Variants in BAIAP2L1 observed in about 807,000 individuals in gnomAD.
BAIAP2L1 encodes the protein BAR/IMD domain-containing adapter protein 2-like 1.
In BAIAP2L1, 35 loss-of-function variants were observed where a neutral mutation model predicts 66.3. The ratio of observed to expected loss-of-function variants is 0.53; its 90% confidence interval spans 0.40 to 0.70. The LOEUF is 0.70. Among genes scored for constraint, BAIAP2L1 ranks in the 30% least tolerant of loss-of-function variants. The pLI is 0.00. For missense variants in BAIAP2L1, 622 were observed against 656.9 expected, an observed-to-expected ratio of 0.95 and a Z score of 0.58; for synonymous variants, 269 against 248.7, an observed-to-expected ratio of 1.08 and a Z score of -0.77.
intron 2 of BAIAP2L1, among the ~76,000 whole-genome samples, chr7:98,360,452 A>G (rs566608236): frequency 6.6e-6 from 1 of 152,288 alleles, no homozygotes; most frequent in East Asian, 1.9e-4. Context: ...TGGCTTCAGC[A>G]AAGGCACAAC....
chr7:98,395,477 A>T (rs945972134), intron 1 of BAIAP2L1, among the ~76,000 whole-genome samples: 1 of 145,590 alleles, frequency 6.9e-6, no homozygotes, highest in Non-Finnish European at 1.5e-5. Flanking sequence ...CTACCCTTGG[A>T]GGGGTGCAGC....
chr7:98,292,361 A>C lies in BAIAP2L1; in HGVS notation c.*1160T>G, dbSNP rs954021416. ...CTCAGCCTCCTGAGTGGCGCCCACC[A>C]CCACACCTGTCTAATTTTTGTATTT... On this transcript the variant is annotated 3_prime_UTR_variant, in exon 14 of 14. Transcript: ENST00000005260. The C allele has an allele frequency of 9.5e-6, 4 of 421,212 alleles. No individual in the cohort carries two copies. 26.1% of individuals were successfully genotyped at this position (421,212 alleles called of 1,614,324 possible).
At chr7:98,343,707 A>C (rs1003894539) in intron 3 of BAIAP2L1, among the ~76,000 whole-genome samples, 1 of 152,148 alleles carries the variant, frequency 6.6e-6, no homozygotes, top group Non-Finnish European at 1.5e-5. Flanking sequence ...CCCTCACAAG[A>C]TTATCCCAAT....
chr7:98,322,032 G>A (rs1801262275), intron 3 of BAIAP2L1, among the ~76,000 whole-genome samples: 1 of 152,288 alleles, frequency 6.6e-6, no homozygotes, highest in South Asian at 2.1e-4. Context: ...GGAGGCAGAG[G>A]ATGCAGTGAG....
chr7:98,342,632 A>C (rs1248017902), intron 3 of BAIAP2L1, among the ~76,000 whole-genome samples: 1 of 152,192 alleles, frequency 6.6e-6, no homozygotes, highest in Non-Finnish European at 1.5e-5. Context: ...CTAAATTTAC[A>C]TAATGGTGAG....
In BAIAP2L1 at chr7:98,400,962, G is replaced by GGCCGCC; in HGVS notation, c.-116_-111dup. ...CGCGACTAAGGGGCTCTGGAGGGTC[G>GGCCGCC]GCCGCCGCCGCAGCCGTCGGCCCGA... is the stretch of plus-strand genomic sequence containing the variant. On this transcript the variant is annotated 5_prime_UTR_variant, in exon 1 of 14. Transcript: ENST00000005260. 2 of 1,015,856 alleles carry GGCCGCC rather than the reference G, an allele frequency of 2.0e-6. No homozygotes were observed. Among genetic ancestry groups the GGCCGCC allele is most frequent in the Non-Finnish European group, 2.6e-6 (2 of 769,832 alleles). The allele number at this position is 1,015,856 out of a possible 1,614,324, so 62.9% of individuals were successfully genotyped here.
chr7:98,321,848 G>C (rs1801256314), intron 3 of BAIAP2L1, among the ~76,000 whole-genome samples: 1 of 152,168 alleles, frequency 6.6e-6, no homozygotes, highest in African/African-American at 2.4e-5. Context: ...TGTCATCCTA[G>C]CACTTTTGGG....
In BAIAP2L1 at chr7:98,324,573, G is replaced by A. The variant is rs575994259; in HGVS notation, c.215-4275C>T. On this transcript the variant is annotated intron_variant, in intron 3 of 13. Coordinates refer to ENST00000005260, the MANE Select transcript of BAIAP2L1 (RefSeq NM_018842.5). ...TAGAACATTTTCATTGGAAACACAG[G>A]GCCAGGTGTGGTAGCTCAAGTCCCA... is the stretch of plus-strand genomic sequence containing the variant. 5.6e-4 allele frequency among the ~76,000 whole-genome samples: 86 copies of A among 152,266 alleles called. 1 individual carries two copies. Among genetic ancestry groups the A allele is most frequent in the South Asian group, 4.4e-3 (21 of 4,818 alleles).
chr7:98,393,934 T>C (rs1303676611), intron 1 of BAIAP2L1, among the ~76,000 whole-genome samples: 1 of 150,896 alleles, frequency 6.6e-6, no homozygotes, highest in East Asian at 2.0e-4. Flanking sequence ...TGAAACCCCA[T>C]CTCTACTAAA....
rs147137751 is a variant in BAIAP2L1 at position 98,315,899 on chromosome 7, C to T, written c.487-287G>A. ...ACTTCAGAGATATGATCGTGTCCTA[C>T]TGGAAAGCACCACGGGCTTTGGAAC... On this transcript the variant is annotated intron_variant, in intron 6 of 13. Coordinates refer to ENST00000005260, the MANE Select transcript of BAIAP2L1 (RefSeq NM_018842.5). Among the ~76,000 whole-genome samples, 154 of 152,300 alleles carry T rather than the reference C, an allele frequency of 1.0e-3. 2 individuals are homozygous for T. Among genetic ancestry groups the T allele is most frequent in the African/African-American group, 3.3e-3 (139 of 41,570 alleles).
chr7:98,318,876 G>A (rs530279778), intron 5 of BAIAP2L1, among the ~76,000 whole-genome samples: 3 of 151,162 alleles, frequency 2.0e-5, no homozygotes, highest in Non-Finnish European at 4.4e-5. Flanking sequence ...CCCAGGAGGC[G>A]GAGGTTGCAG....
intron 1 of BAIAP2L1, among the ~76,000 whole-genome samples, chr7:98,369,699 C>G (rs1459964703): frequency 9.4e-6 from 1 of 106,914 alleles, no homozygotes; most frequent in Non-Finnish European, 1.7e-5. Context: ...TGAGCTAGAG[C>G]TTTGCTCTGT....
chr7:98,340,962 T>TC (rs986442475), intron 3 of BAIAP2L1, among the ~76,000 whole-genome samples: 5 of 150,110 alleles, frequency 3.3e-5, no homozygotes, highest in African/African-American at 1.2e-4. Flanking sequence ...CTAATTGGTT[T>TC]TTTTTTTTTT....
chr7:98,386,639 G>A lies in BAIAP2L1; in HGVS notation c.51+14163C>T, dbSNP rs184145408. ...TCAACATTTCTACAATGTTCTTTCC[G>A]AGAACTTTTTTTTGTCTCTCATCGA... On this transcript the variant is annotated intron_variant, in intron 1 of 13. Transcript: ENST00000005260. The A allele has an allele frequency of 8.8e-4, 1,228 of 1,395,256 alleles. 3 individuals carry two copies. Among genetic ancestry groups the A allele is most frequent in the Middle Eastern group, 3.3e-3 (12 of 3,664 alleles). The allele number at this position is 1,395,256 out of a possible 1,614,324, so 86.4% of individuals were successfully genotyped here. A position where few individuals can be genotyped will look rare whatever the true frequency, so the allele number is the denominator to read the frequency against.
chr7:98,305,532 G>A (rs192275541), intron 11 of BAIAP2L1, among the ~76,000 whole-genome samples: 63 of 152,198 alleles, frequency 4.1e-4, no homozygotes, highest in South Asian at 1.0e-3. Context: ...CGATCCTCCC[G>A]CCTCAGCCTC....
At chr7:98,365,010 AAAAAAAAAAG>A (rs1207134198) in intron 1 of BAIAP2L1, among the ~76,000 whole-genome samples, 2 of 148,688 alleles carry the variant, frequency 1.3e-5, no homozygotes, top group Non-Finnish European at 1.5e-5. Flanking sequence ...AAAAAAAAAA[AAAAAAAAAAG>A]AGCTATTACT....
rs1320142260 is a variant in BAIAP2L1, at chr7:98,374,162, T to C, written c.52-11730A>G. ...TGGGGTCTTGCTATGTTGCCCAGGC[T>C]GGCCTTGAACTCCTGGACTCAAGCA... is the stretch of plus-strand genomic sequence containing the variant. On this transcript the variant is annotated intron_variant, in intron 1 of 13. Transcript: ENST00000005260. Among the ~76,000 whole-genome samples the C allele has an allele frequency of 6.2e-4, 95 of 152,168 alleles. 1 individual carries two copies. Among genetic ancestry groups the C allele is most frequent in the Non-Finnish European group, 4.4e-5 (3 of 68,030 alleles).
At chr7:98,343,407 C>T (rs567479368) in intron 3 of BAIAP2L1, among the ~76,000 whole-genome samples, 6 of 152,048 alleles carry the variant, frequency 3.9e-5, no homozygotes, top group East Asian at 3.9e-4. Flanking sequence ...GCCAAGATCA[C>T]GCCACTGCAC....
Position 98,348,706 on chromosome 7 carries a change from A to G in BAIAP2L1, c.214+6336T>C, listed in dbSNP as rs567601471. 8.5e-5 allele frequency among the ~76,000 whole-genome samples: 13 copies of G among 152,344 alleles called. No homozygotes were observed. In the South Asian group the frequency reaches 2.7e-3, roughly 32 times the overall value. On this transcript the variant is annotated intron_variant, in intron 3 of 13. Coordinates refer to ENST00000005260, the MANE Select transcript of BAIAP2L1 (RefSeq NM_018842.5). ...AAATATTTGCGAATGTGTGAAGTAG[A>G]AAGAGAGAGGCATCCTTCTAGTCTT...
Sources: gnomAD v4.1 joint callset for allele counts (sites outside exome capture counted in the v4.1 genomes callset) on GRCh38, gnomAD v4.1.1 for gene constraint, MANE v1.5 for transcripts, NCBI Gene and HGNC (gene_info 2026-07-23, HGNC 2026-07-21) for gene names.